NPAS3: variants seen among roughly 807,000 people sequenced by gnomAD.
NPAS3 encodes the protein neuronal PAS domain protein 3.
In NPAS3, 14 loss-of-function variants were observed where a neutral mutation model predicts 73.1. The observed-to-expected ratio is 0.19, with a 90% CI of 0.13 to 0.30. The LOEUF (loss-of-function observed/expected upper bound fraction) is 0.30. NPAS3 is among the 10% of genes least tolerant of loss of function. The probability of loss-of-function intolerance (pLI) is 1.00; values close to 1 mark genes in which losing one functional copy is unlikely to be tolerated. For synonymous variants in NPAS3, 620 were observed against 541.5 expected (o/e 1.14, Z -2.01); for missense variants, 1,096 against 1,250.0 (o/e 0.88, Z 1.86).
chr14:33,007,060 G>A (rs4982029), intron 1 of NPAS3, among the ~76,000 whole-genome samples: 14,044 of 152,106 alleles, frequency 0.092, 1,085 homozygotes, highest in African/African-American at 0.21. Context: ...CAACTTTAAC[G>A]TAGATGTCAC....
rs567733402 is a variant in NPAS3, at chr14:33,591,264, T to C, written c.558+31054T>C. The stretch of plus-strand genomic sequence containing the variant: ...CCTCACTGCCCACTCTTCTCGACTT[T>C]GCTCTGTACTTTTAGGTGACTTAAA... On this transcript the variant is annotated intron_variant, in intron 5 of 11. Coordinates refer to ENST00000356141, the Ensembl canonical transcript of NPAS3. 1.3e-4 allele frequency among the ~76,000 whole-genome samples: 20 copies of C among 152,312 alleles called. No individual in the cohort carries two copies. The East Asian group carries it at 3.7e-3, about 28-fold the overall frequency.
At chr14:33,455,173 G>A (rs776207091) in intron 4 of NPAS3, among the ~76,000 whole-genome samples, 4 of 152,186 alleles carry the variant, frequency 2.6e-5, no homozygotes, top group African/African-American at 9.7e-5. Flanking sequence ...ACTGTTGAAA[G>A]TAAAAACAAA....
chr14:33,014,702 A>G (rs970603167), intron 1 of NPAS3, among the ~76,000 whole-genome samples: 2 of 152,186 alleles, frequency 1.3e-5, no homozygotes, highest in Non-Finnish European at 2.9e-5. Flanking sequence ...TTCTTAGATT[A>G]TTTTTTGATG....
chr14:33,284,802 ATCTATCTATC>A (rs1169476473), intron 3 of NPAS3, among the ~76,000 whole-genome samples: 1 of 141,650 alleles, frequency 7.1e-6, no homozygotes, highest in Non-Finnish European at 1.5e-5. Flanking sequence ...CTATCTATCT[ATCTATCTATC>A]TATATAATCT....
At chr14:33,013,620 C>T (rs752059296) in intron 1 of NPAS3, among the ~76,000 whole-genome samples, 2 of 152,088 alleles carry the variant, frequency 1.3e-5, no homozygotes, top group Non-Finnish European at 2.9e-5. Context: ...ATATATTTTA[C>T]TGTACACACT....
chr14:33,336,032 A>G (rs1041022306), intron 3 of NPAS3, among the ~76,000 whole-genome samples: 37 of 152,232 alleles, frequency 2.4e-4, no homozygotes, highest in Admixed American at 1.9e-3. Flanking sequence ...TTCTAAAGTC[A>G]TCAGATCAGA....
intron 2 of NPAS3, among the ~76,000 whole-genome samples, chr14:33,122,060 G>A (rs894486324): frequency 2.6e-5 from 4 of 152,126 alleles, no homozygotes; most frequent in Non-Finnish European, 5.9e-5. Flanking sequence ...AAATGAGCAC[G>A]TTGGATTTTT....
chr14:33,156,911 T>C (rs2044666777), intron 2 of NPAS3, among the ~76,000 whole-genome samples: 1 of 152,194 alleles, frequency 6.6e-6, no homozygotes, highest in Admixed American at 6.5e-5. Context: ...GCTTGCATTA[T>C]TAACTGATTT....
At chr14:33,400,207 T>A (rs192174372) in intron 4 of NPAS3, among the ~76,000 whole-genome samples, 2,198 of 152,294 alleles carry the variant, frequency 0.014, 36 homozygotes, top group Non-Finnish European at 0.021. Context: ...AGTGCCTTTT[T>A]AAATTCATCA....
In NPAS3 at chr14:33,031,573, G is replaced by A. The variant is rs542818298; in HGVS notation, c.51-24332G>A. ...AGTGGTGTGATCATGGTTCACGGTA[G>A]CTTCCACCTCCCAGGCCCAAGTGAT... On this transcript the variant is annotated intron_variant, in intron 1 of 11. Transcript: ENST00000356141. Among the ~76,000 whole-genome samples the A allele has an allele frequency of 5.7e-4, 87 of 152,252 alleles. 1 individual carries two copies. The highest frequency in any genetic ancestry group is 1.1e-3 in the Non-Finnish European group (72 of 68,018).
intron 6 of NPAS3, among the ~76,000 whole-genome samples, chr14:33,676,767 C>T (rs2059780279): frequency 6.6e-6 from 1 of 152,048 alleles, no homozygotes; most frequent in Admixed American, 6.6e-5. Context: ...AATAGTAGCT[C>T]GTGGAGAATT....
At position 33,532,758 on chromosome 14, in the gene NPAS3, C is replaced by T. The variant is rs75422372; in HGVS notation, c.469-27363C>T. The stretch of plus-strand genomic sequence containing the variant: ...CTCCCTTCCCTTTGAAAATTCCTTT[C>T]CTGTTGTGTAGTAAATGACCGCTTC... On this transcript the variant is annotated intron_variant, in intron 4 of 11. Coordinates refer to ENST00000356141, the Ensembl canonical transcript of NPAS3. Among the ~76,000 whole-genome samples, 570 of 152,182 alleles carry T rather than the reference C, an allele frequency of 3.7e-3. 3 individuals carry two copies. Among genetic ancestry groups the T allele is most frequent in the Non-Finnish European group, 6.5e-3 (442 of 67,994 alleles).
intron 3 of NPAS3, among the ~76,000 whole-genome samples, chr14:33,300,983 GGA>G (rs1327331846): frequency 2.0e-5 from 3 of 152,080 alleles, no homozygotes; most frequent in Non-Finnish European, 4.4e-5. Flanking sequence ...CCAGAGATCT[GGA>G]GAGAGGGGAT....
intron 2 of NPAS3, among the ~76,000 whole-genome samples, chr14:33,162,821 T>C (rs1023691572): frequency 2.6e-5 from 4 of 152,238 alleles, no homozygotes; most frequent in Non-Finnish European, 4.4e-5. Flanking sequence ...AAAAGTTTGC[T>C]CTGATATTTT....
At chr14:32,974,835 A>G (rs1385905845) in intron 1 of NPAS3, among the ~76,000 whole-genome samples, 1 of 152,172 alleles carries the variant, frequency 6.6e-6, no homozygotes, top group Non-Finnish European at 1.5e-5. Context: ...ACCTTTAATT[A>G]TCATGGTAGC....
chr14:33,344,076 G>A (rs1206555584), intron 3 of NPAS3, among the ~76,000 whole-genome samples: 1 of 152,120 alleles, frequency 6.6e-6, no homozygotes, highest in African/African-American at 2.4e-5. Flanking sequence ...TACAAATATG[G>A]GGGGATGAAA....
chr14:33,097,820 C>T (rs72676766), intron 2 of NPAS3, among the ~76,000 whole-genome samples: 2,754 of 151,528 alleles, frequency 0.018, 32 homozygotes, highest in Non-Finnish European at 0.03. Flanking sequence ...AGCACCTTTT[C>T]GTGTGTTTTT....
At chr14:32,935,058 G>A, upstream of NPAS3, 2 of 1,119,880 alleles carry the variant, frequency 1.8e-6, no homozygotes. Flanking sequence ...TGCTGGGGTG[G>A]GACTCACTTT....
chr14:33,279,974 T>A (rs1263746676), intron 3 of NPAS3, among the ~76,000 whole-genome samples: 1 of 152,206 alleles, frequency 6.6e-6, no homozygotes. Flanking sequence ...TGGCAGCTGA[T>A]ATGCTTTATT....
Sources: gnomAD v4.1 joint callset for allele counts (sites outside exome capture counted in the v4.1 genomes callset) on GRCh38, gnomAD v4.1.1 for gene constraint, MANE v1.5 for transcripts, NCBI Gene and HGNC (gene_info 2026-07-23, HGNC 2026-07-21) for gene names.